TOX2: variants seen among roughly 807,000 people sequenced by gnomAD.
TOX2 encodes the protein TOX high mobility group box family member 2.
Under a neutral mutation model 47.4 loss-of-function variants are expected in TOX2, and 15 were observed. The ratio of observed to expected loss-of-function variants is 0.32; its 90% confidence interval spans 0.21 to 0.49. TOX2 has a LOEUF of 0.49. TOX2 is among the 20% of genes least tolerant of loss of function. TOX2 has a pLI of 0.99. For synonymous variants in TOX2, 290 were observed against 296.6 expected (o/e 0.98, Z 0.23); for missense variants, 622 against 673.1 (o/e 0.92, Z 0.84).
At chr20:44,044,048 C>A (rs1180803755) in intron 3 of TOX2, among the ~76,000 whole-genome samples, 1 of 152,134 alleles carries the variant, frequency 6.6e-6, no homozygotes, top group African/African-American at 2.4e-5. Context: ...CAGTGATAGA[C>A]TGGATTAAGA....
chr20:43,947,444 C>T (rs1457328925), intron 1 of TOX2, among the ~76,000 whole-genome samples: 2 of 152,198 alleles, frequency 1.3e-5, no homozygotes, highest in African/African-American at 4.8e-5. Flanking sequence ...AACAAATGAC[C>T]TAGGATGTCG....
intron 3 of TOX2, among the ~76,000 whole-genome samples, chr20:44,048,019 G>T (rs991351941): frequency 6.6e-6 from 1 of 152,076 alleles, no homozygotes; most frequent in Non-Finnish European, 1.5e-5. Flanking sequence ...AGGAGTTTGA[G>T]ACCAGCTTGG....
chr20:43,954,400 G>A (rs942165055), intron 1 of TOX2, among the ~76,000 whole-genome samples: 1 of 152,216 alleles, frequency 6.6e-6, no homozygotes, highest in Non-Finnish European at 1.5e-5. Flanking sequence ...CCACCTTTGT[G>A]TGTTTGCTTG....
intron 3 of TOX2, among the ~76,000 whole-genome samples, chr20:44,041,186 C>T (rs2071326224): frequency 6.6e-6 from 1 of 152,210 alleles, no homozygotes; most frequent in Admixed American, 6.5e-5. Context: ...ACCCCTGTGC[C>T]AGTCAAGCAG....
chr20:43,938,737 C>T (rs2069362396), intron 1 of TOX2, among the ~76,000 whole-genome samples: 1 of 152,218 alleles, frequency 6.6e-6, no homozygotes, highest in African/African-American at 2.4e-5. Context: ...TCCACACTGG[C>T]TTTAGCTGAA....
intron 2 of TOX2, among the ~76,000 whole-genome samples, chr20:44,000,012 G>A (rs1204770403): frequency 2.0e-5 from 3 of 152,208 alleles, no homozygotes; most frequent in African/African-American, 7.2e-5. Flanking sequence ...TCTAAAGGAA[G>A]GGAACAGCCA....
intron 1 of TOX2, among the ~76,000 whole-genome samples, chr20:43,925,404 C>A (rs148274592): frequency 3.3e-5 from 5 of 152,128 alleles, no homozygotes; most frequent in African/African-American, 4.8e-5. Context: ...GATGAGCCTA[C>A]GAAGTCCTTG....
chr20:43,999,179 C>T (rs1021953675), intron 2 of TOX2, among the ~76,000 whole-genome samples: 3 of 152,044 alleles, frequency 2.0e-5, no homozygotes, highest in Non-Finnish European at 4.4e-5. Context: ...TGAAATCATT[C>T]GTATTATGTT....
chr20:44,004,789 G>C (rs1044253786), intron 2 of TOX2, among the ~76,000 whole-genome samples: 1 of 152,142 alleles, frequency 6.6e-6, no homozygotes, highest in African/African-American at 2.4e-5. Flanking sequence ...TTTAACACAC[G>C]CACTTAAACA....
intron 3 of TOX2, among the ~76,000 whole-genome samples, chr20:44,010,040 T>C (rs899696534): frequency 6.6e-6 from 1 of 152,218 alleles, no homozygotes; most frequent in African/African-American, 2.4e-5. Context: ...ATAATGTATG[T>C]AAAGTCTTAG....
At chr20:44,005,808 G>A (rs2070669128) in intron 2 of TOX2, among the ~76,000 whole-genome samples, 1 of 152,128 alleles carries the variant, frequency 6.6e-6, no homozygotes, top group South Asian at 2.1e-4. Context: ...ATACCTCAAA[G>A]AACCTGTGGC....
intron 1 of TOX2, among the ~76,000 whole-genome samples, chr20:43,972,597 C>A (rs1286029508): frequency 6.6e-6 from 1 of 152,176 alleles, no homozygotes; most frequent in African/African-American, 2.4e-5. Flanking sequence ...TGAGGAGGGG[C>A]CTACAGGCAC....
At chr20:43,944,237 C>A (rs999519053) in intron 1 of TOX2, among the ~76,000 whole-genome samples, 1 of 152,144 alleles carries the variant, frequency 6.6e-6, no homozygotes, top group African/African-American at 2.4e-5. Flanking sequence ...GCAAGACAGA[C>A]GATCCTGACC....
intron 1 of TOX2, among the ~76,000 whole-genome samples, chr20:43,961,863 A>G (rs1569038116): frequency 6.6e-6 from 1 of 151,994 alleles, no homozygotes; most frequent in Non-Finnish European, 1.5e-5. Context: ...TCGCGAGCCC[A>G]ATCAGATGAG....
chr20:43,965,481 TG>T (rs1296746108), intron 1 of TOX2, among the ~76,000 whole-genome samples: 2 of 152,232 alleles, frequency 1.3e-5, no homozygotes, highest in Non-Finnish European at 2.9e-5. Context: ...GCACACTCCC[TG>T]TCACATAGTA....
chr20:44,057,299 T>TAAA (rs34629027), intron 5 of TOX2, among the ~76,000 whole-genome samples: 4 of 152,212 alleles, frequency 2.6e-5, no homozygotes, highest in African/African-American at 7.2e-5. Context: ...CTAGGACTTC[T>TAAA]AAAAAAGAGA....
chr20:44,015,518 G>T (rs1322501336), intron 3 of TOX2, among the ~76,000 whole-genome samples: 1 of 152,120 alleles, frequency 6.6e-6, no homozygotes, highest in Non-Finnish European at 1.5e-5. Flanking sequence ...GGCTGCAAAA[G>T]CTAAGCTAAT....
chr20:43,968,609 G>A lies in TOX2; in HGVS notation c.100-4758G>A, dbSNP rs538549688. Among the ~76,000 whole-genome samples, 4 of 152,298 alleles carry A rather than the reference G, an allele frequency of 2.6e-5. No individual in the cohort carries two copies. The East Asian group carries it at 5.8e-4, about 22-fold the overall frequency. On this transcript the variant is annotated intron_variant, in intron 1 of 8. Transcript: ENST00000341197. ...ATGAAAGGGTTATCCCTACACATTC[G>A]ATATTTGCAAAAATGTGGGTTCTTT...
chr20:44,006,528 T>C lies in TOX2; in HGVS notation c.166-19T>C. The C allele has an allele frequency of 6.2e-7, 1 of 1,600,786 alleles. No homozygotes were observed. Among genetic ancestry groups the C allele is most frequent in the Non-Finnish European group, 8.5e-7 (1 of 1,173,518 alleles). ...TGTAAGGCACTGACCCCCACCGACA[T>C]GTCTTTTTGATGTTTTAGACCTACA... On this transcript the variant is annotated intron_variant, in intron 2 of 8. Coordinates refer to ENST00000341197, the MANE Select transcript of TOX2 (RefSeq NM_001098797.2).
Sources: allele counts gnomAD v4.1 joint callset (sites outside exome capture counted in the v4.1 genomes callset), GRCh38; gene constraint gnomAD v4.1.1; transcripts MANE v1.5; gene names NCBI Gene and HGNC (gene_info 2026-07-23, HGNC 2026-07-21).